Variants in IQGAP2 observed in about 807,000 individuals in gnomAD.
IQGAP2 encodes ras GTPase-activating-like protein IQGAP2.
In IQGAP2, 173 loss-of-function variants were observed where a neutral mutation model predicts 201.3. That is an observed-to-expected ratio of 0.86 (90% CI 0.76 to 0.98). The LOEUF (loss-of-function observed/expected upper bound fraction) is 0.98, where lower values mean the gene tolerates loss of function less well. Ranked by LOEUF, IQGAP2 falls within the 50% of genes least tolerant of loss-of-function variation. IQGAP2 has a pLI of 0.00. For synonymous variants in IQGAP2, 675 were observed against 673.9 expected (o/e 1.00, Z -0.03); for missense variants, 1,687 against 1,864.8 (o/e 0.90, Z 1.76).
intron 1 of IQGAP2, among the ~76,000 whole-genome samples, chr5:76,438,900 T>A (rs996624325): frequency 1.3e-5 from 2 of 152,144 alleles, no homozygotes; most frequent in African/African-American, 4.8e-5. Context: ...TTAGTTCTGC[T>A]CTAATCTTTT....
At chr5:76,408,793 T>G (rs1750938968) in intron 1 of IQGAP2, among the ~76,000 whole-genome samples, 2 of 152,026 alleles carry the variant, frequency 1.3e-5, no homozygotes, top group Non-Finnish European at 2.9e-5. Context: ...CTTATTTATT[T>G]ATTTATTTAT....
chr5:76,559,161 A>G (rs778130894), intron 2 of IQGAP2, among the ~76,000 whole-genome samples: 20 of 152,096 alleles, frequency 1.3e-4, no homozygotes, highest in Non-Finnish European at 2.1e-4. Context: ...TCAGCCTCCC[A>G]AAGTGATGGG....
chr5:76,413,569 C>T (rs150225576), intron 1 of IQGAP2, among the ~76,000 whole-genome samples: 105 of 152,294 alleles, frequency 6.9e-4, no homozygotes, highest in African/African-American at 1.0e-3. Context: ...ATCCTTGTGT[C>T]TGTATACTTA....
At position 76,655,066 on chromosome 5, in the gene IQGAP2, T is replaced by C. The variant is rs1416681834; in HGVS notation, c.2320+63T>C. Reference sequence around the variant, plus strand: ...TATAAACCAGGCAAGGACATATTGGTCCATATTGGTCACTTCAGAGGCTGC... The same window carrying C: ...TATAAACCAGGCAAGGACATATTGGCCCATATTGGTCACTTCAGAGGCTGC... On this transcript the variant is annotated intron_variant, in intron 20 of 35. Coordinates refer to ENST00000274364, the MANE Select transcript of IQGAP2 (RefSeq NM_006633.5). 3.5e-6 allele frequency: 4 copies of C among 1,147,714 alleles called. No homozygotes were observed. The African/African-American group carries it at 4.6e-5, about 13-fold the overall frequency. The allele number at this position is 1,147,714 out of a possible 1,614,324, so 71.1% of individuals were successfully genotyped here.
chr5:76,690,498 C>T (rs1367000164), intron 30 of IQGAP2, among the ~76,000 whole-genome samples: 1 of 152,132 alleles, frequency 6.6e-6, no homozygotes, highest in Non-Finnish European at 1.5e-5. Context: ...GGCCACAGTC[C>T]TAAGACTAAC....
At position 76,403,913 on chromosome 5, in the gene IQGAP2, C is replaced by G; in HGVS notation, c.46+322C>G. ...TTTTAGGGGTATCAGGTGAGGAGTCCGCGGAGCTCCGGGTCGCCGCCGGCT... is the reference window on the plus strand; with the variant it reads ...TTTTAGGGGTATCAGGTGAGGAGTCGGCGGAGCTCCGGGTCGCCGCCGGCT... On this transcript the variant is annotated intron_variant, in intron 1 of 35. Transcript: ENST00000274364. This position sits in a 1 kb window ranked among gnomAD's most constrained non-coding sequence, Gnocchi z 4.8. Among the ~76,000 whole-genome samples, 1 of 152,126 alleles carries G rather than the reference C, an allele frequency of 6.6e-6. No homozygotes were observed. Among genetic ancestry groups the G allele is most frequent in the Non-Finnish European group, 1.5e-5 (1 of 68,016 alleles).
At position 76,525,035 on chromosome 5, in the gene IQGAP2, G is replaced by T. The variant is rs540242536; in HGVS notation, c.147-37361G>T. On this transcript the variant is annotated intron_variant, in intron 2 of 35. Transcript: ENST00000274364. ...CCTATGCATTATGCATGCGAGTCTGGTGTGGTGTTTAAGTAACCTCCCATG... is the reference window on the plus strand; with the variant it reads ...CCTATGCATTATGCATGCGAGTCTGTTGTGGTGTTTAAGTAACCTCCCATG... Among the ~76,000 whole-genome samples, 20 of 152,318 alleles carry T rather than the reference G, an allele frequency of 1.3e-4. No individual in the cohort carries two copies. The East Asian group carries it at 3.9e-3, about 29-fold the overall frequency.
intron 2 of IQGAP2, among the ~76,000 whole-genome samples, chr5:76,471,617 T>G (rs1424396887): frequency 6.6e-6 from 1 of 152,060 alleles, no homozygotes; most frequent in Non-Finnish European, 1.5e-5. Flanking sequence ...TAGTGGTGAG[T>G]TAGAGAATCA....
At chr5:76,591,014 T>C (rs1746610826) in intron 8 of IQGAP2, among the ~76,000 whole-genome samples, 1 of 152,148 alleles carries the variant, frequency 6.6e-6, no homozygotes, top group Non-Finnish European at 1.5e-5. Context: ...GGAGAATCAC[T>C]TGAGCCTGGG....
intron 17 of IQGAP2, among the ~76,000 whole-genome samples, chr5:76,643,401 C>G (rs1751749998): frequency 6.6e-6 from 1 of 152,292 alleles, no homozygotes; most frequent in Admixed American, 6.5e-5. Context: ...AACACACTTT[C>G]TCATCTGAAA....
chr5:76,528,505 G>A (rs1759101032), intron 2 of IQGAP2, among the ~76,000 whole-genome samples: 1 of 152,130 alleles, frequency 6.6e-6, no homozygotes, highest in Non-Finnish European at 1.5e-5. Flanking sequence ...AGCATCAAGT[G>A]TGCCTCTTTT....
intron 1 of IQGAP2, among the ~76,000 whole-genome samples, chr5:76,419,799 A>G (rs1196422212): frequency 6.6e-6 from 1 of 151,912 alleles, no homozygotes; most frequent in Non-Finnish European, 1.5e-5. Context: ...TTCCATCTAC[A>G]GACATTGGGA....
intron 2 of IQGAP2, among the ~76,000 whole-genome samples, chr5:76,522,441 C>G (rs1758741997): frequency 6.6e-6 from 1 of 152,126 alleles, no homozygotes; most frequent in African/African-American, 2.4e-5. Flanking sequence ...CCTCGGCCTC[C>G]CAAAGTGCTG....
At chr5:76,698,820 A>G (rs898803662) in intron 33 of IQGAP2, among the ~76,000 whole-genome samples, 1 of 152,210 alleles carries the variant, frequency 6.6e-6, no homozygotes, top group Admixed American at 6.5e-5. Flanking sequence ...ATGGTGCTGT[A>G]TGGAAAAATC....
chr5:76,429,435 G>A (rs543387750), intron 1 of IQGAP2, among the ~76,000 whole-genome samples: 2,465 of 151,098 alleles, frequency 0.016, 67 homozygotes, highest in African/African-American at 0.055. Context: ...AGCCAGGCGT[G>A]GTGGTGGGTG....
chr5:76,542,052 C>G (rs748862344), intron 2 of IQGAP2, among the ~76,000 whole-genome samples: 3 of 152,206 alleles, frequency 2.0e-5, no homozygotes, highest in South Asian at 2.1e-4. Context: ...GGTGCAATCA[C>G]AGCTCACTGA....
intron 2 of IQGAP2, among the ~76,000 whole-genome samples, chr5:76,490,989 T>C (rs1756502048): frequency 7.6e-6 from 1 of 130,888 alleles, no homozygotes; most frequent in Non-Finnish European, 1.5e-5. Context: ...ATTTTCATCT[T>C]TTTTTTTTTT....
At chr5:76,657,188 A>G (rs1313744194) in intron 20 of IQGAP2, among the ~76,000 whole-genome samples, 1 of 152,250 alleles carries the variant, frequency 6.6e-6, no homozygotes, top group Non-Finnish European at 1.5e-5. Context: ...GACTGTTAAT[A>G]CATATGAAGA....
At position 76,671,624 on chromosome 5, in the gene IQGAP2, G is replaced by A. The variant is rs149005451; in HGVS notation, c.2844-135G>A. The A allele has an allele frequency of 7.4e-4, 453 of 610,452 alleles. 3 individuals carry two copies. The highest frequency in any genetic ancestry group is 7.3e-3 in the African/African-American group (392 of 53,660). 37.8% of individuals were successfully genotyped at this position (610,452 alleles called of 1,614,324 possible). A position where few individuals can be genotyped will look rare whatever the true frequency, so the allele number is the denominator to read the frequency against. On this transcript the variant is annotated intron_variant, in intron 23 of 35. Coordinates refer to ENST00000274364, the MANE Select transcript of IQGAP2 (RefSeq NM_006633.5). Reference sequence around the variant, plus strand: ...AATCGCTTGAACCTGGGAGGTGGAGGTTGCAGTGAACCAAGATCACACCAC... The same window carrying A: ...AATCGCTTGAACCTGGGAGGTGGAGATTGCAGTGAACCAAGATCACACCAC...
Sources: gnomAD v4.1 joint callset for allele counts (sites outside exome capture counted in the v4.1 genomes callset) on GRCh38, gnomAD v4.1.1 for gene constraint, Gnocchi (gnomAD v3.1) non-coding constraint, MANE v1.5 for transcripts, NCBI Gene and HGNC (gene_info 2026-07-23, HGNC 2026-07-21) for gene names.